CHD5: variants seen among roughly 807,000 people sequenced by gnomAD.
CHD5 encodes chromodomain helicase DNA binding protein 5.
In CHD5, 69 loss-of-function variants were observed where a neutral mutation model predicts 230.3. The observed-to-expected ratio is 0.30, with a 90% CI of 0.25 to 0.37. The LOEUF (loss-of-function observed/expected upper bound fraction) is 0.37. CHD5 is among the 10% of genes least tolerant of loss of function. CHD5 has a pLI of 1.00. For missense variants in CHD5, 1,827 were observed against 2,622.8 expected (o/e 0.70, Z 6.63); for synonymous variants, 1,064 against 1,065.9 (o/e 1.00, Z 0.03).
chr1:6,108,810 T>C (rs1258493058), intron 38 of CHD5, among the ~76,000 whole-genome samples: 1 of 136,580 alleles, frequency 7.3e-6, no homozygotes, highest in Non-Finnish European at 1.6e-5. Flanking sequence ...TGTGGAAGGA[T>C]GGAGGGATAA....
At chr1:6,117,345 G>C (rs1666394228) in intron 33 of CHD5, among the ~76,000 whole-genome samples, 1 of 152,064 alleles carries the variant, frequency 6.6e-6, no homozygotes, top group Non-Finnish European at 1.5e-5. Context: ...ACATTACAAA[G>C]AGATTAAAAG....
rs1370862368 is a variant in CHD5, at chr1:6,148,947, G to A, written c.1290C>T (p.Cys430=). 1.2e-6 allele frequency: 2 copies of A among 1,601,142 alleles called. No individual in the cohort carries two copies. Among genetic ancestry groups the A allele is most frequent in the Non-Finnish European group, 1.7e-6 (2 of 1,174,158 alleles). The change falls in exon 9 of 42, where the codon TGC becomes TGT. Residue 430 remains cysteine (C), a synonymous_variant. Coordinates refer to ENST00000262450, the MANE Select transcript of CHD5 (RefSeq NM_015557.3). The stretch of plus-strand genomic sequence containing the variant: ...GGTAGGAGGAGGGGCAGGCGTCGCA[G>A]CAGAGCAGCTCGCCCCCGTCCTTGC... ...RVCKDGGELL[C]CDACPSSYHL...
intron 7 of CHD5, among the ~76,000 whole-genome samples, 160 bp from the exon 8 acceptor site, chr1:6,149,572 G>A (rs1393830816): frequency 6.6e-6 from 1 of 152,126 alleles, no homozygotes; most frequent in African/African-American, 2.4e-5. Context: ...TGGTAAAAGG[G>A]TGAGGAGATA....
chr1:6,125,794 C>T lies in CHD5; in HGVS notation c.4143G>A (p.Glu1381=), dbSNP rs1666545758. 3 of 1,613,478 alleles carry T rather than the reference C, an allele frequency of 1.9e-6. No homozygotes were observed. The highest frequency in any genetic ancestry group is 2.5e-6 in the Non-Finnish European group (3 of 1,179,704). The change falls in exon 27 of 42, where the codon GAG becomes GAA. Residue 1381 remains glutamate, a synonymous_variant. Transcript: ENST00000262450. The surrounding 1 kb of genome is among the most constrained non-coding windows in gnomAD (Gnocchi z 6.7). The part of the protein sequence containing the change: ...EYSIGSEDED[E]DFEERPEGQS... ...GCCCTTCCGGCCTCTCTTCAAAGTCCTCATCCTCATCCTCAGAGCCAATGG... is the reference window on the plus strand; with the variant it reads ...GCCCTTCCGGCCTCTCTTCAAAGTCTTCATCCTCATCCTCAGAGCCAATGG...
chr1:6,109,759 C>T (rs543574910), intron 38 of CHD5, 36 bp downstream of exon 38: 11 of 1,573,500 alleles, frequency 7.0e-6, no homozygotes, highest in East Asian at 4.5e-5. Flanking sequence ...GGAGGAAGGG[C>T]GGGGGGCTGC....
Position 6,136,616 on chromosome 1 carries a change from T to C in CHD5, c.2597A>G (p.Tyr866Cys), listed in dbSNP as rs1320370457. 1 of 1,614,030 alleles carries C rather than the reference T, an allele frequency of 6.2e-7. No homozygotes were observed. The highest frequency in any genetic ancestry group is 1.1e-5 in the South Asian group (1 of 91,080). ...QSKFFRVLNS[Y>C]KIDYKLLLTG... ...CAGCAGCAGCTTGTAATCAATCTTG[T>C]AGCTGTTTAAGACCCTAAAAAACTG... The change falls in exon 17 of 42, where the codon TAC becomes TGC. Residue 866 changes from tyrosine (Y) to cysteine (C), a missense_variant. Physicochemically the swap from Tyr to Cys is radical, Grantham distance 194. Around this residue, in one of 14 missense-constraint regions of CHD5, gnomAD observed 52 missense variants for 164.5 expected, o/e 0.32. Transcript: ENST00000262450.
rs1182995140 is a variant in CHD5 at position 6,105,473 on chromosome 1, G to A, written c.*47-46C>T. On this transcript the variant is annotated intron_variant, in intron 41 of 41. Transcript: ENST00000262450. The surrounding 1 kb of genome is among the most constrained non-coding windows in gnomAD (Gnocchi z 4.8). ...GGTTAAGCAGGTGGGCAGTTATAGGGGGCATCAGGGTGGCACCCAACAGCC... is the reference window on the plus strand; with the variant it reads ...GGTTAAGCAGGTGGGCAGTTATAGGAGGCATCAGGGTGGCACCCAACAGCC... The A allele has an allele frequency of 2.2e-6, 1 of 462,724 alleles. No homozygotes were observed. Among genetic ancestry groups the A allele is most frequent in the Admixed American group, 2.5e-5 (1 of 40,408 alleles). 28.7% of individuals were successfully genotyped at this position (462,724 alleles called of 1,614,324 possible). A position where few individuals can be genotyped will look rare whatever the true frequency, so the allele number is the denominator to read the frequency against.
At position 6,148,894 on chromosome 1, in the gene CHD5, G is replaced by C. The variant is rs1009562776; in HGVS notation, c.1343C>G (p.Pro448Arg). 1 of 1,585,924 alleles carries C rather than the reference G, an allele frequency of 6.3e-7. No homozygotes were observed. Among genetic ancestry groups the C allele is most frequent in the Non-Finnish European group, 8.6e-7 (1 of 1,164,980 alleles). ...GAGCCATTCACCGTTTGGGATCTCG[G>C]GCAGCGGCGGGTTGAGGCAATGCAG... is the stretch of plus-strand genomic sequence containing the variant. ...YHLHCLNPPL[P>R]EIPNGEWLCP... Residue 448 changes from proline to arginine, a missense_variant, in exon 9 of 42, where the codon CCC becomes CGC. Pro to Arg is a moderately radical substitution (Grantham distance 103). Around this residue, in one of 14 missense-constraint regions of CHD5, gnomAD observed 657 missense variants for 816.4 expected, o/e 0.80. Coordinates refer to ENST00000262450, the MANE Select transcript of CHD5 (RefSeq NM_015557.3).
rs190098527 is a variant in CHD5, at chr1:6,134,614, G to A, written c.3012+104C>T. On this transcript the variant is annotated intron_variant, in intron 19 of 41. Coordinates refer to ENST00000262450, the MANE Select transcript of CHD5 (RefSeq NM_015557.3). The surrounding 1 kb of genome is among the most constrained non-coding windows in gnomAD (Gnocchi z 6.3). ...GACAGCCACAGAAATCGCCACAATG[G>A]CCAGGAGAACCTATCACAGCGGCCA... 8.1e-7 allele frequency: 1 copy of A among 1,239,768 alleles called. No individual in the cohort carries two copies. The highest frequency in any genetic ancestry group is 1.2e-6 in the Non-Finnish European group (1 of 853,628). The allele number at this position is 1,239,768 out of a possible 1,614,324, so 76.8% of individuals were successfully genotyped here.
At position 6,142,216 on chromosome 1, in the gene CHD5, TC is replaced by T. The variant is rs776353475; in HGVS notation, c.2347del (p.Asp783ThrfsTer7). On this transcript the variant is annotated frameshift_variant, in exon 15 of 42. Transcript: ENST00000262450. LOFTEE classifies it high-confidence loss of function. This position sits in a 1 kb window ranked among gnomAD's most constrained non-coding sequence, Gnocchi z 5.2. ...CCGAATCACCGAGCGGCTCTCCTTG[TC>T]CCCCGTGTAGGTGACCACGTAGAAG... ...PDFYVVTYTG[D>X]KESRSVIREN... is the part of the protein sequence containing the mutation. 1 of 1,614,150 alleles carries T rather than the reference TC, an allele frequency of 6.2e-7. No homozygotes were observed. Among genetic ancestry groups the T allele is most frequent in the South Asian group, 1.1e-5 (1 of 91,074 alleles).
At chr1:6,120,774 A>G (rs1666456264) in intron 33 of CHD5, among the ~76,000 whole-genome samples, 1 of 152,146 alleles carries the variant, frequency 6.6e-6, no homozygotes. Context: ...GTGGTGGTAC[A>G]CGCCTGTAGT....
rs1243600292 is a variant in CHD5 at position 6,111,744 on chromosome 1, T to TCCC, written c.5249+28_5249+30dup. On this transcript the variant is annotated intron_variant, in intron 36 of 41. Transcript: ENST00000262450. ...CGAGGTCCACGGAGGAACGGGCAAG[T>TCCC]CCCTGCCCAGCCCGGCCTGGCCAAG... is the stretch of plus-strand genomic sequence containing the variant. 10 of 1,576,274 alleles carry TCCC rather than the reference T, an allele frequency of 6.3e-6. No individual in the cohort carries two copies. In the East Asian group the frequency reaches 2.0e-4, roughly 32 times the overall value.
intron 15 of CHD5, among the ~76,000 whole-genome samples, chr1:6,141,406 A>C (rs1477777029): frequency 6.6e-6 from 1 of 151,962 alleles, no homozygotes; most frequent in African/African-American, 2.4e-5. Flanking sequence ...ACTTGAGGTC[A>C]CAAGCTCAAG....
Position 6,131,756 on chromosome 1 carries a change from G to A in CHD5, c.3145-8C>T. The A allele has an allele frequency of 6.9e-6, 11 of 1,587,868 alleles. No homozygotes were observed. The highest frequency in any genetic ancestry group is 9.5e-6 in the Non-Finnish European group (11 of 1,156,792). On this transcript the variant is annotated splice_region_variant and splice_polypyrimidine_tract_variant and intron_variant, in intron 20 of 41. Coordinates refer to ENST00000262450, the MANE Select transcript of CHD5 (RefSeq NM_015557.3). This position sits in a 1 kb window ranked among gnomAD's most constrained non-coding sequence, Gnocchi z 5.0. ...GTCCAGCATCTTGGTCATCTGCAGG[G>A]GAGACGGGCACGTGAGGAACTGCCA...
chr1:6,124,596 G>T lies in CHD5; in HGVS notation c.4460C>A (p.Ala1487Glu). ...EPGADGAETF[A>E]DGVPREGLSR... Reference sequence around the variant, plus strand: ...GAGGCCCTCCCGGGGCACGCCGTCTGCGAAGGTCTCTGCACCATCCGCCCC... The same window carrying T: ...GAGGCCCTCCCGGGGCACGCCGTCTTCGAAGGTCTCTGCACCATCCGCCCC... The change falls in exon 30 of 42, where the codon GCA (alanine) becomes GAA (glutamate). Residue 1487 changes from alanine (A) to glutamate (E), a missense_variant. By Grantham distance (107) the Ala-to-Glu change is moderately radical. Transcript: ENST00000262450. 6.2e-7 allele frequency: 1 copy of T among 1,610,722 alleles called. No homozygotes were observed. The highest frequency in any genetic ancestry group is 8.5e-7 in the Non-Finnish European group (1 of 1,178,862).
intron 33 of CHD5, among the ~76,000 whole-genome samples, chr1:6,115,357 C>G (rs114606171): frequency 6.6e-6 from 1 of 152,120 alleles, no homozygotes; most frequent in Admixed American, 6.5e-5. Context: ...TTGGTGTCCA[C>G]GCCCTGCAAG....
chr1:6,137,470 A>G (rs1043971416), intron 15 of CHD5, among the ~76,000 whole-genome samples: 1 of 152,032 alleles, frequency 6.6e-6, no homozygotes, highest in Non-Finnish European at 1.5e-5. Context: ...TACAAGCTCA[A>G]TTGTGTCCTT....
intron 25 of CHD5, chr1:6,127,101 G>A: frequency 3.6e-6 from 1 of 275,020 alleles, no homozygotes; most frequent in Middle Eastern, 1.2e-3. Context: ...CACGGAGGGT[G>A]GGGAGCAGAG....
chr1:6,112,266 C>G lies in CHD5; in HGVS notation c.5014G>C (p.Ala1672Pro), dbSNP rs764136045. The G allele has an allele frequency of 1.2e-6, 2 of 1,614,162 alleles. No individual in the cohort carries two copies. The highest frequency in any genetic ancestry group is 1.7e-5 in the Admixed American group (1 of 60,016). Reference protein sequence around the residue: ...SSELRPDDTKAEEKEPIETQQ... With the variant: ...SSELRPDDTKPEEKEPIETQQ... ...GTTTCAATGGGCTCCTTCTCCTCAGCCTTGGTGTCATCTGCCGGGGACAGA... is the reference window on the plus strand; with the variant it reads ...GTTTCAATGGGCTCCTTCTCCTCAGGCTTGGTGTCATCTGCCGGGGACAGA... Residue 1672 changes from alanine (A) to proline (P), a missense_variant, in exon 35 of 42, where the codon GCT (alanine) becomes CCT (proline). Physicochemically the swap from Ala to Pro is conservative, Grantham distance 27 (BLOSUM62 -1). This residue lies in a region of CHD5 where 272 missense variants were observed against 263.2 expected (regional missense o/e 1.03). Coordinates refer to ENST00000262450, the MANE Select transcript of CHD5 (RefSeq NM_015557.3).
Sources: allele counts gnomAD v4.1 joint callset (sites outside exome capture counted in the v4.1 genomes callset), GRCh38; gene constraint gnomAD v4.1.1; regional missense constraint gnomAD v4.1.1; non-coding constraint Gnocchi (gnomAD v3.1); transcripts MANE v1.5; gene names NCBI Gene and HGNC (gene_info 2026-07-23, HGNC 2026-07-21).